The following TIA1 variants were observed in gnomAD, a reference collection of about 807,000 sequenced individuals.
The protein encoded by TIA1 is TIA1 cytotoxic granule associated RNA binding protein, also known as cytotoxic granule associated RNA binding protein TIA1.
A neutral mutation model predicts 65.9 loss-of-function variants in TIA1; 23 were observed. The ratio of observed to expected loss-of-function variants is 0.35; its 90% confidence interval spans 0.25 to 0.49. The LOEUF (loss-of-function observed/expected upper bound fraction) is 0.49. Among genes scored for constraint, TIA1 ranks in the 20% least tolerant of loss-of-function variants. The pLI is 0.98. For synonymous variants in TIA1, 147 were observed against 149.4 expected, an observed-to-expected ratio of 0.98 and a Z score of 0.12; for missense variants, 371 against 477.9, an observed-to-expected ratio of 0.78 and a Z score of 2.09.
At chr2:70,230,112 G>A (rs1685531858) in intron 3 of TIA1, among the ~76,000 whole-genome samples, 2 of 150,770 alleles carry the variant, frequency 1.3e-5, no homozygotes, top group Admixed American at 6.6e-5. Context: ...GCGTGGTGGC[G>A]GGCGCCTGTA....
intron 7 of TIA1, among the ~76,000 whole-genome samples, chr2:70,224,144 C>G (rs1359813378): frequency 2.0e-5 from 3 of 151,780 alleles, no homozygotes; most frequent in African/African-American, 4.8e-5. Context: ...TCTCAAAGTC[C>G]TGACCTCAGG....
At position 70,212,281 on chromosome 2, in the gene TIA1, G is replaced by C. The variant is rs1160101102; in HGVS notation, c.*438C>G. 1.3e-5 allele frequency: 2 copies of C among 154,700 alleles called. No homozygotes were observed. The highest frequency in any genetic ancestry group is 3.7e-4 in the East Asian group (2 of 5,342). The allele number at this position is 154,700 out of a possible 1,614,324, so 9.6% of individuals were successfully genotyped here. A position where few individuals can be genotyped will look rare whatever the true frequency, so the allele number is the denominator to read the frequency against. ...AAAACAGAATTGTGCACAAGCTGAA[G>C]ATGACAAACAACTTCTAGACTCTGC... On this transcript the variant is annotated 3_prime_UTR_variant, in exon 13 of 13. Coordinates refer to ENST00000433529, the MANE Select transcript of TIA1 (RefSeq NM_022173.4).
At chr2:70,213,709 T>C (rs1221287857) in intron 12 of TIA1, among the ~76,000 whole-genome samples, 1 of 151,916 alleles carries the variant, frequency 6.6e-6, no homozygotes, top group East Asian at 1.9e-4. Flanking sequence ...TGGAGTGCAG[T>C]GGTGTAGTCT....
At chr2:70,248,036 A>G (rs936270438) in intron 1 of TIA1, among the ~76,000 whole-genome samples, 75 of 152,286 alleles carry the variant, frequency 4.9e-4, no homozygotes, top group African/African-American at 1.8e-3. Flanking sequence ...GGTTAATCAA[A>G]AAGGGGGAGA....
chr2:70,224,546 G>A lies in TIA1; in HGVS notation c.474+8C>T, dbSNP rs766808912. 1 of 1,613,938 alleles carries A rather than the reference G, an allele frequency of 6.2e-7. No individual in the cohort carries two copies. The highest frequency in any genetic ancestry group is 8.5e-7 in the Non-Finnish European group (1 of 1,179,964). On this transcript the variant is annotated splice_region_variant and intron_variant, in intron 7 of 12. Coordinates refer to ENST00000433529, the MANE Select transcript of TIA1 (RefSeq NM_022173.4). ...AAGCATTATCCATGCACTTCTCACT[G>A]AGCTCACCCATTTGTTGAAAAAGGA...
At position 70,210,059 on chromosome 2, in the gene TIA1, T is replaced by C. The variant is rs1207233825; in HGVS notation, c.*2660A>G. On this transcript the variant is annotated 3_prime_UTR_variant, in exon 13 of 13. Transcript: ENST00000433529. ...TTAAATCTGCAGAATGCCAATTCCATTTGGTGTTAAACAGTAACCCAATAT... is the reference window on the plus strand; with the variant it reads ...TTAAATCTGCAGAATGCCAATTCCACTTGGTGTTAAACAGTAACCCAATAT... The C allele has an allele frequency of 4.4e-6, 1 of 225,762 alleles. No homozygotes were observed. The highest frequency in any genetic ancestry group is 5.7e-5 in the Admixed American group (1 of 17,450). The allele number at this position is 225,762 out of a possible 1,614,324, so 14.0% of individuals were successfully genotyped here.
At chr2:70,248,774 G>A (rs1695678799), upstream of TIA1, 2 of 391,040 alleles carry the variant, frequency 5.1e-6, no homozygotes, top group South Asian at 5.0e-5. Context: ...CCGACGCGAG[G>A]GACGCCTCAG....
rs1676288227 is a variant in TIA1, at chr2:70,210,782, G to A, written c.*1937C>T. 1 of 151,958 alleles carries A rather than the reference G, an allele frequency of 6.6e-6. No individual in the cohort carries two copies. The highest frequency in any genetic ancestry group is 1.5e-5 in the Non-Finnish European group (1 of 67,984). 9.4% of individuals were successfully genotyped at this position (151,958 alleles called of 1,614,324 possible). On this transcript the variant is annotated 3_prime_UTR_variant, in exon 13 of 13. Transcript: ENST00000433529. ...AAAATATTTCATTTAAGCTGCTTTT[G>A]GTTGCATGCCCTGATCTGTAGAAGT...
intron 8 of TIA1, 82 bp from the exon 9 acceptor site, chr2:70,216,581 T>A: frequency 7.2e-7 from 1 of 1,389,328 alleles, no homozygotes; most frequent in Non-Finnish European, 1.0e-6. Flanking sequence ...TACACTACTG[T>A]AAAGGTAACA....
intron 2 of TIA1, among the ~76,000 whole-genome samples, chr2:70,233,075 C>T (rs747755261): frequency 7.2e-5 from 11 of 152,116 alleles, no homozygotes; most frequent in South Asian, 2.1e-4. Flanking sequence ...AAATAAAAAA[C>T]TAATTCAAAA....
At chr2:70,231,976 G>A (rs906402423) in intron 2 of TIA1, among the ~76,000 whole-genome samples, 2 of 151,906 alleles carry the variant, frequency 1.3e-5, no homozygotes, top group African/African-American at 4.8e-5. Context: ...GCCGAGGCAG[G>A]CGGATCATGA....
intron 7 of TIA1, among the ~76,000 whole-genome samples, chr2:70,223,663 C>T (rs1230196026): frequency 2.0e-5 from 3 of 151,644 alleles, no homozygotes; most frequent in African/African-American, 7.3e-5. Context: ...ATCCGCCCAC[C>T]TTGGCATCCC....
intron 7 of TIA1, among the ~76,000 whole-genome samples, chr2:70,219,199 G>A (rs189096160): frequency 5.3e-5 from 8 of 152,130 alleles, no homozygotes; most frequent in Non-Finnish European, 5.9e-5. Context: ...AGCAAAACTT[G>A]AAAAATGGGT....
chr2:70,219,350 G>C (rs1680166737), intron 7 of TIA1, among the ~76,000 whole-genome samples: 1 of 152,210 alleles, frequency 6.6e-6, no homozygotes, highest in Non-Finnish European at 1.5e-5. Flanking sequence ...TTGGTACAAA[G>C]TGAGAGTAAA....
chr2:70,236,036 T>A (rs764637216), intron 2 of TIA1, 43 bp downstream of exon 2: 3 of 968,240 alleles, frequency 3.1e-6, no homozygotes, highest in African/African-American at 3.4e-5. Context: ...AAGTAATGTG[T>A]AAAAAAAAAA....
At chr2:70,220,608 T>C (rs1019930510) in intron 7 of TIA1, among the ~76,000 whole-genome samples, 2 of 152,124 alleles carry the variant, frequency 1.3e-5, no homozygotes, top group African/African-American at 4.8e-5. Context: ...ACCTTGATTG[T>C]GAATTTCACG....
intron 5 of TIA1, chr2:70,228,813 G>A: frequency 7.2e-7 from 1 of 1,387,432 alleles, no homozygotes; most frequent in Non-Finnish European, 9.3e-7. Context: ...TTGCCCCTTA[G>A]TTGGTGAAAG....
chr2:70,248,656 A>G, upstream of TIA1: 1 of 613,754 alleles, frequency 1.6e-6, no homozygotes, highest in Non-Finnish European at 2.8e-6. Context: ...GCAGCCAGCA[A>G]AGTTACCCGG....
At chr2:70,231,470 TA>T (rs1489756835) in intron 2 of TIA1, among the ~76,000 whole-genome samples, 2 of 152,034 alleles carry the variant, frequency 1.3e-5, no homozygotes, top group East Asian at 3.8e-4. Context: ...AGCAAACACT[TA>T]AAATCACACT....
Sources: gnomAD v4.1 joint callset for allele counts (sites outside exome capture counted in the v4.1 genomes callset) on GRCh38, gnomAD v4.1.1 for gene constraint, MANE v1.5 for transcripts, NCBI Gene and HGNC (gene_info 2026-07-23, HGNC 2026-07-21) for gene names.